Variants in RNASEL observed in about 807,000 individuals in gnomAD.
RNASEL encodes the protein ribonuclease L.
In RNASEL, 36 loss-of-function variants were observed where a neutral mutation model predicts 50.9. The observed-to-expected ratio is 0.71, with a 90% CI of 0.54 to 0.93. The LOEUF (loss-of-function observed/expected upper bound fraction) is 0.93. Ranked by LOEUF, RNASEL falls within the 40% of genes least tolerant of loss-of-function variation. The pLI, the probability that RNASEL is intolerant of heterozygous loss-of-function variation, is 0.00. For missense variants in RNASEL, 860 were observed against 894.5 expected, an observed-to-expected ratio of 0.96 and a Z score of 0.49; for synonymous variants, 335 against 335.6, an observed-to-expected ratio of 1.00 and a Z score of 0.02.
At chr1:182,579,535 CA>C (rs1661452209) in intron 5 of RNASEL, 1 of 1,106,954 alleles carries the variant, frequency 9.0e-7, no homozygotes, top group South Asian at 2.2e-5. Flanking sequence ...CAGGATGGGG[CA>C]AGTCAAGAAC....
chr1:182,584,032 A>G (rs1451310087), intron 3 of RNASEL, 49 bp downstream of exon 3: 1 of 1,393,788 alleles, frequency 7.2e-7, no homozygotes, highest in Non-Finnish European at 1.0e-6. Flanking sequence ...ACTACATGAA[A>G]GAATAAGGAA....
Position 182,586,979 on chromosome 1 carries a change from G to A in RNASEL, c.-164-9C>T, listed in dbSNP as rs1173203703. 3 of 735,982 alleles carry A rather than the reference G, an allele frequency of 4.1e-6. No individual in the cohort carries two copies. In the African/African-American group the frequency reaches 5.2e-5, roughly 13 times the overall value. 45.6% of individuals were successfully genotyped at this position (735,982 alleles called of 1,614,324 possible). ...GTCTTCTGACATTCCACCTGGCAAC[G>A]AAGAGAGGTGCTTTGTAATTTTACA... On this transcript the variant is annotated splice_polypyrimidine_tract_variant and intron_variant, in intron 1 of 6. Coordinates refer to ENST00000367559, the MANE Select transcript of RNASEL (RefSeq NM_021133.4).
intron 2 of RNASEL, among the ~76,000 whole-genome samples, chr1:182,584,575 T>C (rs1368054456): frequency 6.6e-6 from 1 of 152,220 alleles, no homozygotes; most frequent in African/African-American, 2.4e-5. Context: ...GAACAGCCTT[T>C]CCTGAGCACC....
At position 182,585,556 on chromosome 1, in the gene RNASEL, C is replaced by G. The variant is rs762017479; in HGVS notation, c.1251G>C (p.Leu417Phe). The change falls in exon 2 of 7, where the codon TTG (leucine) becomes TTC (phenylalanine). Residue 417 changes from leucine to phenylalanine, a missense_variant. Transcript: ENST00000367559. ...GGCTCTCACTCCCATAGAATGTCAC[C>G]AAGTGACTGTTCTCTCGGCTGCTTT... is the stretch of plus-strand genomic sequence containing the variant. ...CLQSSRENSHLVTFYGSESHR... is the reference protein window; with the variant it reads ...CLQSSRENSHFVTFYGSESHR... The G allele has an allele frequency of 1.2e-6, 2 of 1,614,206 alleles. No individual in the cohort carries two copies. Among genetic ancestry groups the G allele is most frequent in the East Asian group, 4.5e-5 (2 of 44,882 alleles).
Position 182,575,210 on chromosome 1 carries a change from A to G in RNASEL, c.*182T>C. On this transcript the variant is annotated 3_prime_UTR_variant, in exon 7 of 7. Coordinates refer to ENST00000367559, the MANE Select transcript of RNASEL (RefSeq NM_021133.4). ...GTGGGTAAAGCTTATGGACTAGTGTAGTCTGGGTATATATTGCTTTTGTTA... is the reference window on the plus strand; with the variant it reads ...GTGGGTAAAGCTTATGGACTAGTGTGGTCTGGGTATATATTGCTTTTGTTA... 1 of 637,684 alleles carries G rather than the reference A, an allele frequency of 1.6e-6. No homozygotes were observed. The highest frequency in any genetic ancestry group is 2.8e-6 in the Non-Finnish European group (1 of 357,118). The allele number at this position is 637,684 out of a possible 1,614,324, so 39.5% of individuals were successfully genotyped here.
chr1:182,584,226 A>G, intron 2 of RNASEL, 60 bp from the exon 3 acceptor site: 2 of 1,045,694 alleles, frequency 1.9e-6, no homozygotes, highest in Non-Finnish European at 3.0e-6. Flanking sequence ...GTGAGAGTCA[A>G]TTGATTTATA....
At position 182,586,697 on chromosome 1, in the gene RNASEL, T is replaced by C; in HGVS notation, c.110A>G (p.Asp37Gly). ...CAGCAATTGCTGGACCAGGTCAACA[T>C]CTTCGTTTTGAACAGCTTTAATCAG... The part of the protein sequence containing the change: ...HLLIKAVQNE[D>G]VDLVQQLLEG... The change falls in exon 2 of 7, where the codon GAT becomes GGT. Residue 37 changes from aspartate to glycine, a missense_variant. Physicochemically the swap from Asp to Gly is moderately conservative, Grantham distance 94 (BLOSUM62 -1). Transcript: ENST00000367559. 1 of 1,614,254 alleles carries C rather than the reference T, an allele frequency of 6.2e-7. No homozygotes were observed. The highest frequency in any genetic ancestry group is 8.5e-7 in the Non-Finnish European group (1 of 1,180,050).
rs1169056643 is a variant in RNASEL at position 182,586,309 on chromosome 1, T to A, written c.498A>T (p.Lys166Asn). 1 of 1,614,042 alleles carries A rather than the reference T, an allele frequency of 6.2e-7. No individual in the cohort carries two copies. The highest frequency in any genetic ancestry group is 8.5e-7 in the Non-Finnish European group (1 of 1,180,044). The change falls in exon 2 of 7, where the codon AAA (lysine) becomes AAT (asparagine). Residue 166 changes from lysine (K) to asparagine (N), a missense_variant. By Grantham distance (94) the Lys-to-Asn change is moderately conservative. Coordinates refer to ENST00000367559, the MANE Select transcript of RNASEL (RefSeq NM_021133.4). ...CGTCCATGAGAGCTGTGGCCCCTCC[T>A]TTCCTCAGCCGCTCTTGATCCTCCT... ...KTKEDQERLRKGGATALMDAA... is the reference protein window; with the variant it reads ...KTKEDQERLRNGGATALMDAA...
At chr1:182,583,080 C>A (rs1397758360) in intron 3 of RNASEL, among the ~76,000 whole-genome samples, 1 of 152,132 alleles carries the variant, frequency 6.6e-6, no homozygotes, top group Admixed American at 6.5e-5. Context: ...GTGTAGCCCA[C>A]GAGTTTGAGT....
At position 182,575,018 on chromosome 1, in the gene RNASEL, G is replaced by C. The variant is rs1661353408; in HGVS notation, c.*374C>G. 1 of 351,588 alleles carries C rather than the reference G, an allele frequency of 2.8e-6. No individual in the cohort carries two copies. The highest frequency in any genetic ancestry group is 4.5e-5 in the Admixed American group (1 of 22,464). 21.8% of individuals were successfully genotyped at this position (351,588 alleles called of 1,614,324 possible). A position where few individuals can be genotyped will look rare whatever the true frequency, so the allele number is the denominator to read the frequency against. On this transcript the variant is annotated 3_prime_UTR_variant, in exon 7 of 7. Coordinates refer to ENST00000367559, the MANE Select transcript of RNASEL (RefSeq NM_021133.4). ...CTTGGGCCAGTAGCTCACACTCTCT[G>C]AGTCTCAGGTTCCTCAGTTCTTAAA... is the stretch of plus-strand genomic sequence containing the variant.
In RNASEL at chr1:182,585,418, A is replaced by T. The variant is rs781749452; in HGVS notation, c.1389T>A (p.Asn463Lys). The T allele has an allele frequency of 6.2e-7, 1 of 1,614,198 alleles. No individual in the cohort carries two copies. The highest frequency in any genetic ancestry group is 1.6e-4 in the Middle Eastern group (1 of 6,062). The change falls in exon 2 of 7, where the codon AAT becomes AAA. Residue 463 changes from asparagine (N) to lysine (K), a missense_variant. Transcript: ENST00000367559. ...CAGCCTTAAATATAGATGACAGGAC[A>T]TTTCGGGCAAATTCATCTTCCTCAT... Reference protein sequence around the residue: ...VENEEDEFARNVLSSIFKAVQ... With the variant: ...VENEEDEFARKVLSSIFKAVQ...
intron 6 of RNASEL, 39 bp from the exon 7 acceptor site, chr1:182,575,617 A>G: frequency 6.2e-7 from 1 of 1,612,068 alleles, no homozygotes; most frequent in Middle Eastern, 1.7e-4. Context: ...GCTTGCCCCA[A>G]ATTATTCTTC....
At chr1:182,582,389 G>T in intron 3 of RNASEL, 131 bp from the exon 4 acceptor site, 1 of 1,051,526 alleles carries the variant, frequency 9.5e-7, no homozygotes. Flanking sequence ...TTGTTAGGGA[G>T]GGAAGGCACA....
chr1:182,585,521 T>C lies in RNASEL; in HGVS notation c.1286A>G (p.His429Arg). The change falls in exon 2 of 7, where the codon CAC (histidine) becomes CGC (arginine). Residue 429 changes from histidine (H) to arginine (R), a missense_variant. His to Arg is a conservative substitution (Grantham distance 29). Transcript: ENST00000367559. ...ACAGAGGGTGACACACACAAACAAG[T>C]GGCCCCTGTGGCTCTCACTCCCATA... Reference protein sequence around the residue: ...TFYGSESHRGHLFVCVTLCEQ... With the variant: ...TFYGSESHRGRLFVCVTLCEQ... 3 of 1,614,144 alleles carry C rather than the reference T, an allele frequency of 1.9e-6. No homozygotes were observed. The highest frequency in any genetic ancestry group is 2.5e-6 in the Non-Finnish European group (3 of 1,180,000).
chr1:182,582,875 A>T (rs940112903), intron 3 of RNASEL, among the ~76,000 whole-genome samples: 4 of 152,194 alleles, frequency 2.6e-5, no homozygotes, highest in South Asian at 2.1e-4. Flanking sequence ...ACTCTCCAGG[A>T]AAGACCTACC....
At chr1:182,587,958 C>A (rs75136036) in intron 1 of RNASEL, among the ~76,000 whole-genome samples, 1 of 152,146 alleles carries the variant, frequency 6.6e-6, no homozygotes, top group South Asian at 2.1e-4. Context: ...GCATAGCATT[C>A]GATAAATACA....
intron 4 of RNASEL, among the ~76,000 whole-genome samples, 185 bp from the exon 5 acceptor site, chr1:182,581,542 C>T (rs757180606): frequency 6.5e-5 from 8 of 122,948 alleles, no homozygotes; most frequent in African/African-American, 2.2e-4. Flanking sequence ...AGTGCAGTAG[C>T]GCAATCTTGG....
rs1442784669 is a variant in RNASEL at position 182,581,289 on chromosome 1, A to T, written c.1841T>A (p.Ile614Asn). The change falls in exon 5 of 7, where the codon ATC becomes AAC. Residue 614 changes from isoleucine to asparagine, a missense_variant. Coordinates refer to ENST00000367559, the MANE Select transcript of RNASEL (RefSeq NM_021133.4). ...DIKTRKSESE[I>N]LRLLQPGPSE... ...AGGCCCAGGTTGCAGTAGTCTGAGG[A>T]TCTCACTTTCAGATTTTCGTGTTTT... 6.2e-7 allele frequency: 1 copy of T among 1,613,914 alleles called. No homozygotes were observed. Among genetic ancestry groups the T allele is most frequent in the East Asian group, 2.2e-5 (1 of 44,890 alleles).
rs1276190954 is a variant in RNASEL, at chr1:182,576,363, CA to C, written c.1931del (p.Met644ArgfsTer20). 1.9e-6 allele frequency: 3 copies of C among 1,588,054 alleles called. No individual in the cohort carries two copies. The highest frequency in any genetic ancestry group is 1.3e-5 in the African/African-American group (1 of 74,462). Reference sequence around the variant, plus strand: ...TGCCTCTTTTTTCATAAAACTTATTCATTTTTTTCATAACACATTCATTAAT... The same window carrying C: ...TGCCTCTTTTTTCATAAAACTTATTCTTTTTTTCATAACACATTCATTAAT... ...TKINECVMKK[M>X]NKFYEKRGNF... is the part of the protein sequence containing the mutation. On this transcript the variant is annotated frameshift_variant, in exon 6 of 7. Coordinates refer to ENST00000367559, the MANE Select transcript of RNASEL (RefSeq NM_021133.4). LOFTEE classifies it high-confidence loss of function.
Sources: allele counts gnomAD v4.1 joint callset (sites outside exome capture counted in the v4.1 genomes callset), GRCh38; gene constraint gnomAD v4.1.1; transcripts MANE v1.5; gene names NCBI Gene and HGNC (gene_info 2026-07-23, HGNC 2026-07-21).